Variants in APOL1 observed in about 807,000 individuals in gnomAD.
APOL1 encodes apolipoprotein L 1.
Under a neutral mutation model 14.9 loss-of-function variants are expected in APOL1, and 17 were observed. That is an observed-to-expected ratio of 1.14 (90% CI 0.78 to 1.71). The LOEUF is 1.71. APOL1 is among the 40% of genes most tolerant of loss of function. The pLI, the probability that APOL1 is intolerant of heterozygous loss-of-function variation, is 0.00. For synonymous variants in APOL1, 195 were observed against 184.8 expected (o/e 1.05, Z -0.45); for missense variants, 523 against 485.9 (o/e 1.08, Z -0.72).
chr22:36,253,844 G>A (rs1030461774), intron 1 of APOL1: 2 of 1,267,048 alleles, frequency 1.6e-6, no homozygotes, highest in African/African-American at 2.9e-5. Flanking sequence ...TCAGACTTCT[G>A]GGGTGATGGA....
chr22:36,255,130 C>A, intron 2 of APOL1, 131 bp downstream of exon 2: 1 of 1,142,748 alleles, frequency 8.8e-7, no homozygotes, highest in Non-Finnish European at 1.3e-6. Flanking sequence ...CCGGAATTGA[C>A]CAACCGGCAG....
At chr22:36,259,822 T>C in intron 4 of APOL1, 1 of 1,304,084 alleles carries the variant, frequency 7.7e-7, no homozygotes, top group Non-Finnish European at 1.0e-6. Context: ...CATCTGAGAG[T>C]GCCCAAGACC....
In APOL1 at chr22:36,266,385, G is replaced by T; in HGVS notation, c.*352G>T. 2 of 400,420 alleles carry T rather than the reference G, an allele frequency of 5.0e-6. No individual in the cohort carries two copies. The highest frequency in any genetic ancestry group is 2.0e-4 in the South Asian group (2 of 9,882). The allele number at this position is 400,420 out of a possible 1,614,324, so 24.8% of individuals were successfully genotyped here. On this transcript the variant is annotated 3_prime_UTR_variant, in exon 6 of 6. Transcript: ENST00000397278. The stretch of plus-strand genomic sequence containing the variant: ...ATTACAGGCGTGAGCCATCGCTTTT[G>T]ACCCAAATGCAAACATTTTATTAGG...
At chr22:36,260,870 AT>A (rs1374930096) in intron 4 of APOL1, among the ~76,000 whole-genome samples, 1 of 152,190 alleles carries the variant, frequency 6.6e-6, no homozygotes, top group African/African-American at 2.4e-5. Flanking sequence ...TTTCAAATTG[AT>A]TTTCTTTTTA....
At position 36,265,261 on chromosome 22, in the gene APOL1, A is replaced by C. The variant is rs2016199689; in HGVS notation, c.425A>C (p.Lys142Thr). ...CAGCAGTACAGAAACTGGTTTCTGA[A>C]AGAGTTTCCTCGGTTGAAAAGTGAG... is the stretch of plus-strand genomic sequence containing the variant. Reference protein sequence around the residue: ...KGQQYRNWFLKEFPRLKSELE... With the variant: ...KGQQYRNWFLTEFPRLKSELE... The change falls in exon 6 of 6, where the codon AAA (lysine) becomes ACA (threonine). Residue 142 changes from lysine to threonine, a missense_variant. Coordinates refer to ENST00000397278, the MANE Select transcript of APOL1 (RefSeq NM_003661.4). The C allele has an allele frequency of 1.2e-6, 2 of 1,614,190 alleles. No homozygotes were observed. Among genetic ancestry groups the C allele is most frequent in the African/African-American group, 1.3e-5 (1 of 75,054 alleles).
At chr22:36,256,860 G>T (rs183040870) in intron 2 of APOL1, among the ~76,000 whole-genome samples, 203 of 152,244 alleles carry the variant, frequency 1.3e-3, no homozygotes, top group African/African-American at 4.7e-3. Flanking sequence ...CCATCTCCTG[G>T]CCTGTGTGTG....
intron 1 of APOL1, 30 bp from the exon 2 acceptor site, chr22:36,254,907 A>G (rs2015811198): frequency 1.2e-6 from 2 of 1,613,282 alleles, no homozygotes; most frequent in Non-Finnish European, 1.7e-6. Context: ...GGAGGAGCAC[A>G]CTGTCTCAAC....
Position 36,257,345 on chromosome 22 carries a change from C to A in APOL1, c.125C>A (p.Thr42Lys). The A allele has an allele frequency of 6.2e-7, 1 of 1,614,186 alleles. No individual in the cohort carries two copies. The highest frequency in any genetic ancestry group is 8.5e-7 in the Non-Finnish European group (1 of 1,180,022). ...GTGCAACAAAACGTTCCAAGTGGGA[C>A]AGATACTGGAGATCCTCAAAGTAAG... The part of the protein sequence containing the change: ...ARVQQNVPSG[T>K]DTGDPQSKPL... The change falls in exon 4 of 6, where the codon ACA (threonine) becomes AAA (lysine). Residue 42 changes from threonine (T) to lysine (K), a missense_variant. Thr to Lys is a moderately conservative substitution (Grantham distance 78, BLOSUM62 -1). Coordinates refer to ENST00000397278, the MANE Select transcript of APOL1 (RefSeq NM_003661.4).
chr22:36,254,374 G>A (rs1202380715), intron 1 of APOL1, among the ~76,000 whole-genome samples: 1 of 152,146 alleles, frequency 6.6e-6, no homozygotes, highest in Non-Finnish European at 1.5e-5. Flanking sequence ...GACAGCCTGG[G>A]AAACACAGGA....
intron 1 of APOL1, chr22:36,253,873 G>C (rs2015769756): frequency 6.6e-7 from 1 of 1,504,724 alleles, no homozygotes; most frequent in Admixed American, 1.7e-5. Flanking sequence ...AGGCTGTGCT[G>C]TGTCCCTAAT....
Position 36,267,010 on chromosome 22 carries a change from C to G in APOL1, c.*977C>G, listed in dbSNP as rs1275998835. Reference sequence around the variant, plus strand: ...AGAAAGAGCTGAAAATGGAGAAAGCCCAAGAGTTAGAACAGTTGGATACAG... The same window carrying G: ...AGAAAGAGCTGAAAATGGAGAAAGCGCAAGAGTTAGAACAGTTGGATACAG... On this transcript the variant is annotated 3_prime_UTR_variant, in exon 6 of 6. Coordinates refer to ENST00000397278, the MANE Select transcript of APOL1 (RefSeq NM_003661.4). The G allele has an allele frequency of 6.5e-6, 1 of 152,894 alleles. No homozygotes were observed. Among genetic ancestry groups the G allele is most frequent in the Admixed American group, 6.5e-5 (1 of 15,288 alleles). The allele number at this position is 152,894 out of a possible 1,614,324, so 9.5% of individuals were successfully genotyped here.
chr22:36,266,745 A>T lies in APOL1; in HGVS notation c.*712A>T, dbSNP rs1346406377. 1 of 332,046 alleles carries T rather than the reference A, an allele frequency of 3.0e-6. No individual in the cohort carries two copies. Among genetic ancestry groups the T allele is most frequent in the Non-Finnish European group, 5.5e-6 (1 of 182,798 alleles). 20.6% of individuals were successfully genotyped at this position (332,046 alleles called of 1,614,324 possible). A position where few individuals can be genotyped will look rare whatever the true frequency, so the allele number is the denominator to read the frequency against. On this transcript the variant is annotated 3_prime_UTR_variant, in exon 6 of 6. Transcript: ENST00000397278. The stretch of plus-strand genomic sequence containing the variant: ...ACAGTGAAACCCCGTCTCTACTAAA[A>T]ATACAAAAAATTAGCCGGGCATGGT...
At chr22:36,260,199 C>G (rs902882972) in intron 4 of APOL1, among the ~76,000 whole-genome samples, 2 of 152,206 alleles carry the variant, frequency 1.3e-5, no homozygotes, top group Admixed American at 1.3e-4. Context: ...TCGAGACGAT[C>G]CTGTCTAACA....
At chr22:36,263,300 G>T (rs2016133425) in intron 5 of APOL1, among the ~76,000 whole-genome samples, 1 of 152,246 alleles carries the variant, frequency 6.6e-6, no homozygotes. Flanking sequence ...TTGGAAGGGA[G>T]CAGATGCCAG....
At chr22:36,261,083 A>G (rs2016058024) in intron 4 of APOL1, among the ~76,000 whole-genome samples, 1 of 152,228 alleles carries the variant, frequency 6.6e-6, no homozygotes, top group South Asian at 2.1e-4. Flanking sequence ...CCAAAGCACC[A>G]TGGCACTCCC....
chr22:36,265,089 G>A lies in APOL1; in HGVS notation c.315-62G>A, dbSNP rs1346275472. 10 of 1,596,386 alleles carry A rather than the reference G, an allele frequency of 6.3e-6. No individual in the cohort carries two copies. The Admixed American group carries it at 8.6e-5, about 14-fold the overall frequency. On this transcript the variant is annotated intron_variant, in intron 5 of 5. Coordinates refer to ENST00000397278, the MANE Select transcript of APOL1 (RefSeq NM_003661.4). ...GCCTCCCAAAGTGCTGGGATTACAG[G>A]TGTGAGCCACCACACCGAGCCAAAA... is the stretch of plus-strand genomic sequence containing the variant.
chr22:36,256,973 A>T (rs1196437805), intron 2 of APOL1, 110 bp from the exon 3 acceptor site: 1 of 1,208,420 alleles, frequency 8.3e-7, no homozygotes, highest in East Asian at 2.5e-5. Context: ...GGCCCTGGTC[A>T]TTGTCAGAAC....
Position 36,265,401 on chromosome 22 carries a change from C to G in APOL1, c.565C>G (p.Leu189Val), listed in dbSNP as rs765954217. 6 of 1,613,632 alleles carry G rather than the reference C, an allele frequency of 3.7e-6. No individual in the cohort carries two copies. The South Asian group carries it at 5.5e-5, about 15-fold the overall frequency. Residue 189 changes from leucine to valine, a missense_variant, in exon 6 of 6, where the codon CTG becomes GTG. By Grantham distance (32) the Leu-to-Val change is conservative. Coordinates refer to ENST00000397278, the MANE Select transcript of APOL1 (RefSeq NM_003661.4). ...SGSLSISSGI[L>V]TLVGMGLAPF... ...CTCTCTCAGCATTTCCTCTGGCATC[C>G]TGACCCTCGTCGGCATGGGTCTGGC...
intron 5 of APOL1, 111 bp downstream of exon 5, chr22:36,261,833 G>C: frequency 1.5e-6 from 2 of 1,357,946 alleles, no homozygotes; most frequent in South Asian, 3.0e-5. Context: ...CCCTCTGCTG[G>C]GCTTGAGGAT....
Sources: allele counts gnomAD v4.1 joint callset (sites outside exome capture counted in the v4.1 genomes callset), GRCh38; gene constraint gnomAD v4.1.1; transcripts MANE v1.5; gene names NCBI Gene and HGNC (gene_info 2026-07-23, HGNC 2026-07-21).